DAB2IP: variants seen among roughly 807,000 people sequenced by gnomAD.
DAB2IP encodes the protein disabled homolog 2-interacting protein.
A neutral mutation model predicts 107.2 loss-of-function variants in DAB2IP; 28 were observed. The observed-to-expected ratio is 0.26, with a 90% CI of 0.19 to 0.36. DAB2IP has a LOEUF of 0.36. DAB2IP is among the 10% of genes least tolerant of loss of function. DAB2IP has a pLI of 1.00. For synonymous variants in DAB2IP, 755 were observed against 706.4 expected, an observed-to-expected ratio of 1.07 and a Z score of -1.09; for missense variants, 1,400 against 1,644.7, an observed-to-expected ratio of 0.85 and a Z score of 2.57.
At chr9:121,770,375 C>T (rs1010789475) in intron 10 of DAB2IP, among the ~76,000 whole-genome samples, 171 bp from the exon 11 acceptor site, 1 of 152,164 alleles carries the variant, frequency 6.6e-6, no homozygotes, top group Admixed American at 6.5e-5. Flanking sequence ...GTAGATTTAC[C>T]GATTCCTGGG....
rs541533637 is a variant in DAB2IP at position 121,695,108 on chromosome 9, G to A, written c.229-4217G>A. 1.8e-4 allele frequency among the ~76,000 whole-genome samples: 27 copies of A among 152,192 alleles called. 1 individual carries two copies. In the East Asian group the frequency reaches 4.2e-3, roughly 24 times the overall value. On this transcript the variant is annotated intron_variant, in intron 2 of 15. Coordinates refer to ENST00000408936, the Ensembl canonical transcript of DAB2IP. ...GCCTGCCCCGTGCACTTTGGGCATC[G>A]GGAGTCTCAGTGAGGTTGCTTTAGG...
chr9:121,714,134 G>A (rs1331328887), intron 3 of DAB2IP, among the ~76,000 whole-genome samples: 1 of 152,046 alleles, frequency 6.6e-6, no homozygotes, highest in Non-Finnish European at 1.5e-5. Flanking sequence ...TTTTGTTTGA[G>A]ATCCCACAAC....
At chr9:121,715,733 C>G (rs576500433) in intron 3 of DAB2IP, among the ~76,000 whole-genome samples, 1 of 152,334 alleles carries the variant, frequency 6.6e-6, no homozygotes, top group African/African-American at 2.4e-5. Flanking sequence ...AAATAACACA[C>G]TTCTCTCCCC....
At chr9:121,617,146 G>A (rs1221832877) in intron 1 of DAB2IP, among the ~76,000 whole-genome samples, 1 of 152,050 alleles carries the variant, frequency 6.6e-6, no homozygotes, top group Non-Finnish European at 1.5e-5. Flanking sequence ...CCAGCCTGGT[G>A]AAACCCTATC....
At chr9:121,673,315 T>C (rs932643617) in intron 1 of DAB2IP, among the ~76,000 whole-genome samples, 1 of 152,188 alleles carries the variant, frequency 6.6e-6, no homozygotes, top group African/African-American at 2.4e-5. Context: ...GCATATACTC[T>C]TGCTTCTTCC....
intron 2 of DAB2IP, among the ~76,000 whole-genome samples, chr9:121,689,183 A>T (rs991220526): frequency 1.3e-5 from 2 of 152,104 alleles, no homozygotes; most frequent in African/African-American, 4.8e-5. Flanking sequence ...AACCCCAGCT[A>T]CTATGGAGGC....
At chr9:121,685,069 C>T (rs1158757543) in intron 2 of DAB2IP, among the ~76,000 whole-genome samples, 1 of 152,210 alleles carries the variant, frequency 6.6e-6, no homozygotes, top group African/African-American at 2.4e-5. Context: ...GTGAGTCAGT[C>T]TCCTGACCCA....
intron 5 of DAB2IP, 32 bp from the exon 6 acceptor site, chr9:121,759,853 G>C: frequency 1.9e-6 from 3 of 1,579,882 alleles, no homozygotes; most frequent in South Asian, 1.2e-5. Flanking sequence ...GGCACCCCCA[G>C]CTGACCACCC....
intron 1 of DAB2IP, among the ~76,000 whole-genome samples, chr9:121,601,057 G>A (rs147608780): frequency 0.011 from 1,744 of 152,246 alleles, 49 homozygotes; most frequent in African/African-American, 0.039. Context: ...AATTTCAGTG[G>A]GTTTGTAGGC....
At chr9:121,725,925 C>T (rs1247798909) in intron 3 of DAB2IP, among the ~76,000 whole-genome samples, 1 of 152,160 alleles carries the variant, frequency 6.6e-6, no homozygotes, top group Non-Finnish European at 1.5e-5. Context: ...GAAGCAAGTC[C>T]TTGGCTGTGT....
chr9:121,699,188 G>A lies in DAB2IP; in HGVS notation c.229-137G>A. On this transcript the variant is annotated intron_variant, in intron 2 of 15. Coordinates refer to ENST00000408936, the Ensembl canonical transcript of DAB2IP. This position sits in a 1 kb window ranked among gnomAD's most constrained non-coding sequence, Gnocchi z 6.2. Reference sequence around the variant, plus strand: ...GGGCGGGCGGCGCGGGCCGCGAGCTGCTGGGGCCGAGCCCGAGCCCGGCCC... The same window carrying A: ...GGGCGGGCGGCGCGGGCCGCGAGCTACTGGGGCCGAGCCCGAGCCCGGCCC... 1.8e-5 allele frequency: 17 copies of A among 953,800 alleles called. No individual in the cohort carries two copies. Among genetic ancestry groups the A allele is most frequent in the Non-Finnish European group, 2.1e-5 (17 of 804,488 alleles). The allele number at this position is 953,800 out of a possible 1,614,324, so 59.1% of individuals were successfully genotyped here.
chr9:121,616,235 C>G (rs914969724), intron 1 of DAB2IP, among the ~76,000 whole-genome samples: 6 of 152,158 alleles, frequency 3.9e-5, no homozygotes, highest in African/African-American at 1.4e-4. Context: ...AAGAGAAGAG[C>G]CTTCTGTTTA....
At chr9:121,693,533 C>T (rs537889452) in intron 2 of DAB2IP, among the ~76,000 whole-genome samples, 2 of 152,370 alleles carry the variant, frequency 1.3e-5, no homozygotes, top group Admixed American at 1.3e-4. Flanking sequence ...AACAGTCTCC[C>T]TTCTCCAAGG....
In DAB2IP at chr9:121,679,047, G is replaced by A. The variant is rs550466776; in HGVS notation, c.228+266G>A. ...AGCACCGAAGGCTATGGGGCCCAGC[G>A]CTGAGCTGGCCCGGAAAGAGAAGAG... On this transcript the variant is annotated intron_variant, in intron 2 of 15. Coordinates refer to ENST00000408936, the Ensembl canonical transcript of DAB2IP. Among the ~76,000 whole-genome samples the A allele has an allele frequency of 7.2e-5, 11 of 152,322 alleles. No individual in the cohort carries two copies. The East Asian group carries it at 7.7e-4, about 11-fold the overall frequency.
At chr9:121,668,907 CTTTTTTTTTTTTT>C (rs377320590) in intron 1 of DAB2IP, among the ~76,000 whole-genome samples, 3 of 72,150 alleles carry the variant, frequency 4.2e-5, no homozygotes, top group East Asian at 9.1e-4. Context: ...GTAAGCCTTA[CTTTTTTTTTTTTT>C]TTTTTTTTTT....
intron 1 of DAB2IP, among the ~76,000 whole-genome samples, chr9:121,576,396 T>C (rs562492388): frequency 6.6e-6 from 1 of 152,156 alleles, no homozygotes; most frequent in Non-Finnish European, 1.5e-5. Flanking sequence ...TACCGCTGCC[T>C]GAAACACTCT....
At chr9:121,771,538 G>A (rs911132700) in intron 11 of DAB2IP, among the ~76,000 whole-genome samples, 1 of 152,138 alleles carries the variant, frequency 6.6e-6, no homozygotes, top group African/African-American at 2.4e-5. Context: ...ACTGAGTCTT[G>A]CATTGGGTCT....
intron 12 of DAB2IP, among the ~76,000 whole-genome samples, chr9:121,773,948 CCAGCCTGGCCCTGTCCCCCACTCAGTG>C (rs1834978246): frequency 6.6e-6 from 1 of 152,340 alleles, no homozygotes; most frequent in African/African-American, 2.4e-5. Context: ...GGCTGACAGC[CCAGCCTGGCCCTGTCCCCCACTCAGTG>C]CAGCCTGCCC....
At chr9:121,621,664 C>G (rs933010210) in intron 1 of DAB2IP, among the ~76,000 whole-genome samples, 4 of 134,808 alleles carry the variant, frequency 3.0e-5, no homozygotes, top group Non-Finnish European at 6.2e-5. Context: ...TGAGACCAGT[C>G]TCATTCCGTT....
Sources: allele counts gnomAD v4.1 joint callset (sites outside exome capture counted in the v4.1 genomes callset), GRCh38; gene constraint gnomAD v4.1.1; non-coding constraint Gnocchi (gnomAD v3.1); transcripts MANE v1.5; gene names NCBI Gene and HGNC (gene_info 2026-07-23, HGNC 2026-07-21).